The following ZSCAN18 variants were observed in gnomAD, a reference collection of about 807,000 sequenced individuals.
ZSCAN18 encodes zinc finger and SCAN domain-containing protein 18.
A neutral mutation model predicts 31.1 loss-of-function variants in ZSCAN18; 16 were observed. That is an observed-to-expected ratio of 0.51 (90% CI 0.35 to 0.78). The LOEUF (loss-of-function observed/expected upper bound fraction) is 0.78, where lower values mean the gene tolerates loss of function less well. ZSCAN18 is among the 30% of genes least tolerant of loss of function. The pLI, the probability that ZSCAN18 is intolerant of heterozygous loss-of-function variation, is 0.01. For synonymous variants in ZSCAN18, 375 were observed against 320.7 expected (o/e 1.17, Z -1.81); for missense variants, 731 against 697.4 (o/e 1.05, Z -0.54).
In ZSCAN18 at chr19:58,086,265, C is replaced by G. The variant is rs1481513160; in HGVS notation, c.747G>C (p.Gly249=). 6.2e-7 allele frequency: 1 copy of G among 1,613,388 alleles called. No homozygotes were observed. Among genetic ancestry groups the G allele is most frequent in the East Asian group, 2.2e-5 (1 of 44,842 alleles). Residue 249 remains glycine (G), a splice_region_variant and synonymous_variant, in exon 6 of 7, where the codon GGG becomes GGC. Coordinates refer to ENST00000601144, the MANE Select transcript of ZSCAN18 (RefSeq NM_001145543.2). ...CAGCGTCAGGCTGGGAAAGCTGATA[C>G]CCTGAGTGGGGTTAAAAACCAAAGA... The part of the protein sequence containing the change: ...LKSYRKLLLW[G]YQLSQPDAAS...
upstream of ZSCAN18, among the ~76,000 whole-genome samples, chr19:58,098,563 C>T (rs112277534): frequency 8.5e-5 from 13 of 152,152 alleles, no homozygotes; most frequent in African/African-American, 3.1e-4. Flanking sequence ...CACAGACGCT[C>T]GGGGGCAGAC....
At chr19:58,097,368 G>A (rs1437093613) in intron 1 of ZSCAN18, among the ~76,000 whole-genome samples, 2 of 151,846 alleles carry the variant, frequency 1.3e-5, no homozygotes, top group Non-Finnish European at 2.9e-5. Context: ...GGGAAGGAGT[G>A]ATGGGAGGGT....
At position 58,085,370 on chromosome 19, in the gene ZSCAN18, C is replaced by G. The variant is rs958789112; in HGVS notation, c.848G>C (p.Arg283Thr). 2 of 1,588,604 alleles carry G rather than the reference C, an allele frequency of 1.3e-6. No individual in the cohort carries two copies. Among genetic ancestry groups the G allele is most frequent in the Admixed American group, 3.4e-5 (2 of 59,026 alleles). ...PQGSSLPEGG[R>T]RQESAGCACE... Reference sequence around the variant, plus strand: ...GGCGCACCCAGCGCTCTCCTGCCGCCTCCCGCCTTCTGGAACAAGGTCAGA... The same window carrying G: ...GGCGCACCCAGCGCTCTCCTGCCGCGTCCCGCCTTCTGGAACAAGGTCAGA... Residue 283 changes from arginine to threonine, a missense_variant, in exon 7 of 7, where the codon AGG (arginine) becomes ACG (threonine). Transcript: ENST00000601144.
chr19:58,100,052 C>G (rs1168523419), upstream of ZSCAN18, among the ~76,000 whole-genome samples: 1 of 149,032 alleles, frequency 6.7e-6, no homozygotes, highest in Non-Finnish European at 1.5e-5. Context: ...CCTTGACCTT[C>G]CAGGCTCAAG....
At chr19:58,101,509 T>C (rs940682747), upstream of ZSCAN18, among the ~76,000 whole-genome samples, 2 of 97,914 alleles carry the variant, frequency 2.0e-5, no homozygotes, top group Admixed American at 2.6e-4. Flanking sequence ...CCCATATACT[T>C]TATCTTCTTC....
At chr19:58,112,517 G>A (rs1815624843) in intron 1 of ZSCAN18, among the ~76,000 whole-genome samples, 1 of 152,022 alleles carries the variant, frequency 6.6e-6, no homozygotes, top group African/African-American at 2.4e-5. Flanking sequence ...TGGGCGTGCT[G>A]GCAGGCACCT....
chr19:58,104,511 C>T (rs1256123924), intron 1 of ZSCAN18, among the ~76,000 whole-genome samples: 2 of 151,710 alleles, frequency 1.3e-5, no homozygotes, highest in Non-Finnish European at 2.9e-5. Flanking sequence ...ACAGCTTGGT[C>T]AACGTGGCGA....
intron 1 of ZSCAN18, among the ~76,000 whole-genome samples, chr19:58,095,869 G>A (rs1216623111): frequency 6.6e-6 from 1 of 152,162 alleles, no homozygotes; most frequent in Non-Finnish European, 1.5e-5. Context: ...CATGGAACCA[G>A]GGGTCTCCTA....
chr19:58,103,413 G>T (rs546168563), intron 1 of ZSCAN18, among the ~76,000 whole-genome samples: 1 of 152,260 alleles, frequency 6.6e-6, no homozygotes, highest in South Asian at 2.1e-4. Context: ...TATGCTCTCT[G>T]TGTCTCTGTG....
chr19:58,112,278 G>A (rs570670842), intron 1 of ZSCAN18, among the ~76,000 whole-genome samples: 33 of 152,180 alleles, frequency 2.2e-4, no homozygotes, highest in Non-Finnish European at 3.1e-4. Flanking sequence ...CAAGCGATAC[G>A]CCCATTTCGG....
In ZSCAN18 at chr19:58,098,197, G is replaced by C; in HGVS notation, c.-143C>G. ...ACCTGCTGCGCAGCTACCCCAGGCC[G>C]GTCCCAGCCGCCCGGAGCCCCAGTG... On this transcript the variant is annotated 5_prime_UTR_variant, in exon 1 of 7. Transcript: ENST00000601144. 1 of 985,510 alleles carries C rather than the reference G, an allele frequency of 1.0e-6. No individual in the cohort carries two copies. The allele number at this position is 985,510 out of a possible 1,614,324, so 61.0% of individuals were successfully genotyped here.
intron 1 of ZSCAN18, among the ~76,000 whole-genome samples, chr19:58,104,519 C>T (rs1238865350): frequency 4.0e-5 from 6 of 151,204 alleles, no homozygotes; most frequent in South Asian, 2.1e-4. Flanking sequence ...GTCAACGTGG[C>T]GAAACCCCAT....
At chr19:58,098,396 G>A (rs1250973666), upstream of ZSCAN18, 1 of 985,382 alleles carries the variant, frequency 1.0e-6, no homozygotes, top group African/African-American at 1.7e-5. Flanking sequence ...GCCCACTCCG[G>A]CGCCTGCGTC....
At chr19:58,118,373 A>G in exon 1 of ZSCAN18, 1 of 1,532,204 alleles carries the variant, frequency 6.5e-7, no homozygotes, top group Non-Finnish European at 8.8e-7. Context: ...CGTCCTCGTC[A>G]GCTCGCCCTC....
At chr19:58,085,595 A>C in intron 6 of ZSCAN18, 1 of 539,794 alleles carries the variant, frequency 1.9e-6, no homozygotes, top group Non-Finnish European at 3.2e-6. Flanking sequence ...GGAGGCCTCC[A>C]ACAACGGAGG....
Position 58,084,897 on chromosome 19 carries a change from A to G in ZSCAN18, c.1321T>C (p.Tyr441His), listed in dbSNP as rs895433067. 16 of 1,594,540 alleles carry G rather than the reference A, an allele frequency of 1.0e-5. No homozygotes were observed. The highest frequency in any genetic ancestry group is 1.4e-5 in the Non-Finnish European group (16 of 1,172,580). ...GTCTTCCAGCAGCCCTGACAGGCGT[A>G]GCGCTTCCGGCCGCCATGGCTGCTG... is the stretch of plus-strand genomic sequence containing the variant. ...HHSSHGGRKR[Y>H]ACQGCWKTFH... Residue 441 changes from tyrosine (Y) to histidine (H), a missense_variant, in exon 7 of 7, where the codon TAC becomes CAC. Around this residue, in one of 4 missense-constraint regions of ZSCAN18, gnomAD observed 597 missense variants for 499.5 expected, o/e 1.20. Transcript: ENST00000601144. This position sits in a 1 kb window ranked among gnomAD's most constrained non-coding sequence, Gnocchi z 4.5.
intron 5 of ZSCAN18, 81 bp from the exon 6 acceptor site, chr19:58,086,347 G>T: frequency 7.6e-7 from 1 of 1,323,888 alleles, no homozygotes; most frequent in South Asian, 1.2e-5. Context: ...GGGCCAGCCA[G>T]GGCAGGCTGC....
chr19:58,095,584 A>G (rs1372389702), intron 1 of ZSCAN18, among the ~76,000 whole-genome samples: 9 of 152,032 alleles, frequency 5.9e-5, no homozygotes, highest in Admixed American at 5.2e-4. Context: ...TCCTGCTCCA[A>G]CTTCCCAGCT....
intron 1 of ZSCAN18, among the ~76,000 whole-genome samples, chr19:58,110,041 A>T (rs1012015967): frequency 6.6e-6 from 1 of 151,910 alleles, no homozygotes; most frequent in African/African-American, 2.4e-5. Flanking sequence ...CTCACAGAAA[A>T]TTTTTTAAAA....
Sources: gnomAD v4.1 joint callset for allele counts (sites outside exome capture counted in the v4.1 genomes callset) on GRCh38, gnomAD v4.1.1 for gene constraint, gnomAD v4.1.1 regional missense constraint, Gnocchi (gnomAD v3.1) non-coding constraint, MANE v1.5 for transcripts, NCBI Gene and HGNC (gene_info 2026-07-23, HGNC 2026-07-21) for gene names.